The following UFM1 variants were observed in gnomAD, a reference collection of about 807,000 sequenced individuals.
The protein encoded by UFM1 is ubiquitin fold modifier 1.
UFM1 carries 9 observed loss-of-function variants against 15.4 expected under a neutral mutation model. The ratio of observed to expected loss-of-function variants is 0.59; its 90% CI spans 0.35 to 1.02. The LOEUF is 1.02. UFM1 is among the 50% of genes least tolerant of loss of function. The pLI, the probability that UFM1 is intolerant of heterozygous loss-of-function variation, is 0.02. For synonymous variants in UFM1, 27 were observed against 36.3 expected (o/e 0.74, Z 0.92); for missense variants, 98 against 104.7 (o/e 0.94, Z 0.28).
intron 4 of UFM1, 90 bp downstream of exon 4, chr13:38,358,222 C>G: frequency 3.8e-6 from 3 of 792,260 alleles, no homozygotes; most frequent in Middle Eastern, 2.6e-4. Context: ...ATACAAAAAG[C>G]CCCAAGTATA....
intron 2 of UFM1, among the ~76,000 whole-genome samples, chr13:38,351,844 TGTG>T (rs767412527): frequency 2.0e-5 from 3 of 152,146 alleles, no homozygotes; most frequent in Non-Finnish European, 4.4e-5. Context: ...CGTGTGTAGT[TGTG>T]TGTGTATGTG....
intron 3 of UFM1, among the ~76,000 whole-genome samples, chr13:38,357,156 C>G (rs147687220): frequency 6.6e-6 from 1 of 151,868 alleles, no homozygotes; most frequent in Admixed American, 6.6e-5. Context: ...TGGACTATTG[C>G]AATCCTTGAG....
rs1879381671 is a variant in UFM1, at chr13:38,361,432, G to A, written c.*654G>A. On this transcript the variant is annotated 3_prime_UTR_variant, in exon 6 of 6. Transcript: ENST00000239878. ...TTTAATGGTGGACCTATAGAATCCA[G>A]TACTTTTAATGGTGGGAATTTACAG... 1 of 152,118 alleles carries A rather than the reference G, an allele frequency of 6.6e-6. No homozygotes were observed. The highest frequency in any genetic ancestry group is 1.5e-5 in the Non-Finnish European group (1 of 68,014). The allele number at this position is 152,118 out of a possible 1,614,324, so 9.4% of individuals were successfully genotyped here.
At chr13:38,360,122 T>C (rs954137359) in intron 5 of UFM1, 4 of 323,780 alleles carry the variant, frequency 1.2e-5, no homozygotes, top group Non-Finnish European at 2.4e-5. Flanking sequence ...GTTGTTAATA[T>C]ATAATTTTAT....
chr13:38,358,143 A>G lies in UFM1; in HGVS notation c.157+11A>G, dbSNP rs762682068. 1 of 1,447,740 alleles carries G rather than the reference A, an allele frequency of 6.9e-7. No individual in the cohort carries two copies. 89.7% of individuals were successfully genotyped at this position (1,447,740 alleles called of 1,614,324 possible). On this transcript the variant is annotated intron_variant, in intron 4 of 5. Coordinates refer to ENST00000239878, the MANE Select transcript of UFM1 (RefSeq NM_016617.4). Reference sequence around the variant, plus strand: ...CAATTATTACCAATGGTAAGAATTCACTATAAAATTATGTATTACCTCAAA... The same window carrying G: ...CAATTATTACCAATGGTAAGAATTCGCTATAAAATTATGTATTACCTCAAA...
At position 38,362,715 on chromosome 13, in the gene UFM1, T is replaced by G. The variant is rs1286519413; in HGVS notation, c.*1937T>G. The G allele has an allele frequency of 6.6e-6, 1 of 152,160 alleles. No homozygotes were observed. The highest frequency in any genetic ancestry group is 2.4e-5 in the African/African-American group (1 of 41,450). 9.4% of individuals were successfully genotyped at this position (152,160 alleles called of 1,614,324 possible). A position where few individuals can be genotyped will look rare whatever the true frequency, so the allele number is the denominator to read the frequency against. On this transcript the variant is annotated 3_prime_UTR_variant, in exon 6 of 6. Coordinates refer to ENST00000239878, the MANE Select transcript of UFM1 (RefSeq NM_016617.4). ...CCATTTCCTGACTTTTTGCTTTAATTTAGATTTTTCTCCATCCTGTTTCTA... is the reference window on the plus strand; with the variant it reads ...CCATTTCCTGACTTTTTGCTTTAATGTAGATTTTTCTCCATCCTGTTTCTA...
chr13:38,354,377 T>C (rs1366568907), intron 3 of UFM1, 81 bp downstream of exon 3: 36 of 1,257,238 alleles, frequency 2.9e-5, no homozygotes, highest in Non-Finnish European at 2.2e-6. Context: ...TGCATGCACT[T>C]TGACCCATCA....
intron 5 of UFM1, 60 bp from the exon 6 acceptor site, chr13:38,360,651 A>C: frequency 8.0e-7 from 1 of 1,255,150 alleles, no homozygotes; most frequent in South Asian, 1.3e-5. Context: ...AATAATTGTC[A>C]GAATATTAAG....
chr13:38,349,942 T>G (rs747804187), intron 1 of UFM1, 21 bp downstream of exon 1: 6 of 1,614,028 alleles, frequency 3.7e-6, no homozygotes, highest in Non-Finnish European at 4.2e-6. Flanking sequence ...GCTTACCGAC[T>G]GCCATAATTC....
chr13:38,360,133 TA>T (rs1566034444), intron 5 of UFM1: 1 of 311,054 alleles, frequency 3.2e-6, no homozygotes, highest in South Asian at 2.7e-5. Context: ...ATAATTTTAT[TA>T]AAAAGGTTTA....
chr13:38,354,491 C>G (rs550892896), intron 3 of UFM1, 195 bp downstream of exon 3: 1 of 404,350 alleles, frequency 2.5e-6, no homozygotes, highest in African/African-American at 2.0e-5. Context: ...ATTGACATAT[C>G]TGATTAATGC....
chr13:38,359,388 A>T, intron 5 of UFM1, 55 bp downstream of exon 5: 1 of 1,571,420 alleles, frequency 6.4e-7, no homozygotes, highest in East Asian at 2.2e-5. Flanking sequence ...GTCAATTGAC[A>T]CTGAATAGTT....
intron 3 of UFM1, among the ~76,000 whole-genome samples, chr13:38,356,643 A>G (rs145495523): frequency 1.3e-5 from 2 of 149,032 alleles, no homozygotes; most frequent in East Asian, 2.1e-4. Flanking sequence ...TGTAATGATT[A>G]TAGATGCCTA....
intron 3 of UFM1, among the ~76,000 whole-genome samples, chr13:38,356,279 C>G (rs1879090197): frequency 1.3e-5 from 2 of 151,790 alleles, no homozygotes; most frequent in Admixed American, 6.6e-5. Flanking sequence ...ATGTAAAAGA[C>G]TCAATCAGTA....
chr13:38,357,592 T>A (rs1423056308), intron 3 of UFM1, among the ~76,000 whole-genome samples: 1 of 151,736 alleles, frequency 6.6e-6, no homozygotes, highest in African/African-American at 2.4e-5. Flanking sequence ...TCCAACCCCC[T>A]GTGCAGTTGA....
chr13:38,351,569 C>CTTA (rs1165850066), intron 2 of UFM1, among the ~76,000 whole-genome samples: 1 of 152,212 alleles, frequency 6.6e-6, no homozygotes, highest in East Asian at 1.9e-4. Context: ...ACCACTTGAG[C>CTTA]TATAGTTCCC....
At chr13:38,357,981 C>T (rs1199730520) in intron 3 of UFM1, 112 bp from the exon 4 acceptor site, 14 of 467,274 alleles carry the variant, frequency 3.0e-5, no homozygotes, top group Admixed American at 9.3e-5. Context: ...ATTAATCCTA[C>T]TTTAGAATTA....
chr13:38,362,743 A>C lies in UFM1; in HGVS notation c.*1965A>C, dbSNP rs1879476630. On this transcript the variant is annotated 3_prime_UTR_variant, in exon 6 of 6. Transcript: ENST00000239878. Reference sequence around the variant, plus strand: ...GATTTTTCTCCATCCTGTTTCTAGCACAAAAATTTGCCTGCTGTGTTACAA... The same window carrying C: ...GATTTTTCTCCATCCTGTTTCTAGCCCAAAAATTTGCCTGCTGTGTTACAA... 1 of 152,154 alleles carries C rather than the reference A, an allele frequency of 6.6e-6. No individual in the cohort carries two copies. The highest frequency in any genetic ancestry group is 2.4e-5 in the African/African-American group (1 of 41,462). The allele number at this position is 152,154 out of a possible 1,614,324, so 9.4% of individuals were successfully genotyped here.
At chr13:38,353,861 T>C (rs1246115146) in intron 2 of UFM1, among the ~76,000 whole-genome samples, 2 of 152,118 alleles carry the variant, frequency 1.3e-5, no homozygotes, top group Non-Finnish European at 2.9e-5. Context: ...TGCATAGATA[T>C]TTAGATGGGA....
Sources: allele counts gnomAD v4.1 joint callset (sites outside exome capture counted in the v4.1 genomes callset), GRCh38; gene constraint gnomAD v4.1.1; transcripts MANE v1.5; gene names NCBI Gene and HGNC (gene_info 2026-07-23, HGNC 2026-07-21).